HOXD12: variants seen among roughly 807,000 people sequenced by gnomAD.
HOXD12 encodes the protein homeobox D12, also known as homeobox protein Hox-D12.
In HOXD12, 21 loss-of-function variants were observed where a neutral mutation model predicts 20.2. That is an observed-to-expected ratio of 1.04 (90% CI 0.74 to 1.50). The LOEUF is 1.50. Ranked by LOEUF, HOXD12 falls within the 40% of genes most tolerant of loss-of-function variation. The pLI, the probability that HOXD12 is intolerant of heterozygous loss-of-function variation, is 0.00. For synonymous variants in HOXD12, 196 were observed against 168.8 expected (o/e 1.16, Z -1.25); for missense variants, 472 against 365.5 (o/e 1.29, Z -2.38).
In HOXD12 at chr2:176,100,764, C is replaced by G. The variant is rs781466996; in HGVS notation, c.*4C>G. ...GCAGGCGCTGGCGCTCTACTAGCCG[C>G]GCGCGTGGCCAGGGCCGGGTTGGAT... is the stretch of plus-strand genomic sequence containing the variant. On this transcript the variant is annotated 3_prime_UTR_variant, in exon 2 of 2. Coordinates refer to ENST00000406506, the MANE Select transcript of HOXD12 (RefSeq NM_021193.4). 16 of 1,604,330 alleles carry G rather than the reference C, an allele frequency of 1.0e-5. No individual in the cohort carries two copies. In the South Asian group the frequency reaches 1.8e-4, roughly 18 times the overall value.
rs767328526 is a variant in HOXD12 at position 176,100,341 on chromosome 2, C to T, written c.540C>T (p.Gly180=). 74 of 1,612,518 alleles carry T rather than the reference C, an allele frequency of 4.6e-5. No individual in the cohort carries two copies. The highest frequency in any genetic ancestry group is 6.2e-5 in the Non-Finnish European group (73 of 1,179,856). ...TGAACATGACAGTGCAGGCGGCGGGCGTTGCCTCTTGCCTGCGACCTTCAC... is the reference window on the plus strand; with the variant it reads ...TGAACATGACAGTGCAGGCGGCGGGTGTTGCCTCTTGCCTGCGACCTTCAC... ...LNLNMTVQAA[G]VASCLRPSLP... The change falls in exon 1 of 2, where the codon GGC becomes GGT. Residue 180 remains glycine (G), a synonymous_variant. Coordinates refer to ENST00000406506, the MANE Select transcript of HOXD12 (RefSeq NM_021193.4).
At position 176,099,884 on chromosome 2, in the gene HOXD12, A is replaced by G; in HGVS notation, c.83A>G (p.Asn28Ser). The change falls in exon 1 of 2, where the codon AAC becomes AGC. Residue 28 changes from asparagine to serine, a missense_variant. Coordinates refer to ENST00000406506, the MANE Select transcript of HOXD12 (RefSeq NM_021193.4). Reference sequence around the variant, plus strand: ...TCGCCAGACTCTTTCTACTTCTCCAACCTGAGGCCGAATGGCGGCCAGTTG... The same window carrying G: ...TCGCCAGACTCTTTCTACTTCTCCAGCCTGAGGCCGAATGGCGGCCAGTTG... ...LQSPDSFYFSNLRPNGGQLAA... is the reference protein window; with the variant it reads ...LQSPDSFYFSSLRPNGGQLAA... 6.3e-7 allele frequency: 1 copy of G among 1,593,536 alleles called. No individual in the cohort carries two copies. Among genetic ancestry groups the G allele is most frequent in the Non-Finnish European group, 8.5e-7 (1 of 1,172,562 alleles).
chr2:176,100,424 T>C, intron 1 of HOXD12, 49 bp downstream of exon 1: 1 of 1,603,416 alleles, frequency 6.2e-7, no homozygotes. Flanking sequence ...GGATGGGAGG[T>C]GGGGTTCAAG....
chr2:176,100,159 G>GC lies in HOXD12; in HGVS notation c.363dup (p.Glu122ArgfsTer3). 1 of 1,611,880 alleles carries GC rather than the reference G, an allele frequency of 6.2e-7. No homozygotes were observed. Among genetic ancestry groups the GC allele is most frequent in the South Asian group, 1.1e-5 (1 of 91,038 alleles). Reference sequence around the variant, plus strand: ...GCGCGGTCGTACCCGGCCGTCCTTCGCCCCCGAGTCTAGCCTGGCTCCTGC... The same window carrying GC: ...GCGCGGTCGTACCCGGCCGTCCTTCGCCCCCCGAGTCTAGCCTGGCTCCTGC... On this transcript the variant is annotated frameshift_variant, in exon 1 of 2. Coordinates refer to ENST00000406506, the MANE Select transcript of HOXD12 (RefSeq NM_021193.4). LOFTEE classifies it high-confidence loss of function.
In HOXD12 at chr2:176,100,163, C is replaced by T; in HGVS notation, c.362C>T (p.Pro121Leu). 6.2e-7 allele frequency: 1 copy of T among 1,612,210 alleles called. No individual in the cohort carries two copies. Among genetic ancestry groups the T allele is most frequent in the Non-Finnish European group, 8.5e-7 (1 of 1,179,740 alleles). Residue 121 changes from proline to leucine, a missense_variant, in exon 1 of 2, where the codon CCC (proline) becomes CTC (leucine). Pro to Leu is a moderately conservative substitution (Grantham distance 98). Coordinates refer to ENST00000406506, the MANE Select transcript of HOXD12 (RefSeq NM_021193.4). The part of the protein sequence containing the change: ...ERGRTRPSFA[P>L]ESSLAPAVAA... ...GGTCGTACCCGGCCGTCCTTCGCCCCCGAGTCTAGCCTGGCTCCTGCAGTG... is the reference window on the plus strand; with the variant it reads ...GGTCGTACCCGGCCGTCCTTCGCCCTCGAGTCTAGCCTGGCTCCTGCAGTG...
rs1365341673 is a variant in HOXD12 at position 176,101,660 on chromosome 2, C to T, written c.*900C>T. 6.6e-6 allele frequency among the ~76,000 whole-genome samples: 1 copy of T among 152,088 alleles called. No individual in the cohort carries two copies. The highest frequency in any genetic ancestry group is 2.4e-5 in the African/African-American group (1 of 41,396). ...GTTGGTCTGCTTTGAAGCTCTGTTGCACAGGGAGAGGGAAAAATATCCAGG... is the reference window on the plus strand; with the variant it reads ...GTTGGTCTGCTTTGAAGCTCTGTTGTACAGGGAGAGGGAAAAATATCCAGG... On this transcript the variant is annotated 3_prime_UTR_variant, in exon 2 of 2. Transcript: ENST00000406506.
In HOXD12 at chr2:176,099,836, T is replaced by A; in HGVS notation, c.35T>A (p.Val12Glu). 1 of 1,549,426 alleles carries A rather than the reference T, an allele frequency of 6.5e-7. No individual in the cohort carries two copies. Among genetic ancestry groups the A allele is most frequent in the Middle Eastern group, 1.7e-4 (1 of 5,780 alleles). The change falls in exon 1 of 2, where the codon GTG becomes GAG. Residue 12 changes from valine (V) to glutamate (E), a missense_variant. Transcript: ENST00000406506. ...CERSLYRAGY[V>E]GSLLNLQSPD... ...CGCAGTCTCTACAGAGCGGGCTATGTGGGCTCGCTTCTGAATCTGCAGTCG... is the reference window on the plus strand; with the variant it reads ...CGCAGTCTCTACAGAGCGGGCTATGAGGGCTCGCTTCTGAATCTGCAGTCG...
Position 176,101,598 on chromosome 2 carries a change from A to G in HOXD12, c.*838A>G, listed in dbSNP as rs1689495865. ...CTAGGCCAGGCCTATGAACCCTGTAACTGGATCCCCAGAGGCTAGCTCTGG... is the reference window on the plus strand; with the variant it reads ...CTAGGCCAGGCCTATGAACCCTGTAGCTGGATCCCCAGAGGCTAGCTCTGG... On this transcript the variant is annotated 3_prime_UTR_variant, in exon 2 of 2. Transcript: ENST00000406506. Among the ~76,000 whole-genome samples, 1 of 152,136 alleles carries G rather than the reference A, an allele frequency of 6.6e-6. No individual in the cohort carries two copies. The highest frequency in any genetic ancestry group is 2.1e-4 in the South Asian group (1 of 4,818).
rs746387336 is a variant in HOXD12 at position 176,100,161 on chromosome 2, C to T, written c.360C>T (p.Ala120=). The part of the protein sequence containing the change: ...EERGRTRPSF[A]PESSLAPAVA... Reference sequence around the variant, plus strand: ...GCGGTCGTACCCGGCCGTCCTTCGCCCCCGAGTCTAGCCTGGCTCCTGCAG... The same window carrying T: ...GCGGTCGTACCCGGCCGTCCTTCGCTCCCGAGTCTAGCCTGGCTCCTGCAG... Residue 120 remains alanine (A), a synonymous_variant, in exon 1 of 2, where the codon GCC becomes GCT. Coordinates refer to ENST00000406506, the MANE Select transcript of HOXD12 (RefSeq NM_021193.4). The T allele has an allele frequency of 1.1e-5, 17 of 1,612,190 alleles. No individual in the cohort carries two copies. The South Asian group carries it at 1.3e-4, about 12-fold the overall frequency.
chr2:176,100,923 G>C lies in HOXD12; in HGVS notation c.*163G>C, dbSNP rs1349586014. 3 of 615,016 alleles carry C rather than the reference G, an allele frequency of 4.9e-6. No individual in the cohort carries two copies. The highest frequency in any genetic ancestry group is 8.7e-6 in the Non-Finnish European group (3 of 346,636). The allele number at this position is 615,016 out of a possible 1,614,324, so 38.1% of individuals were successfully genotyped here. ...CAGACCAGGCCAGTTGGGCCTCCTTGCTTTCCTCAGTCCCTGAGAAGCCCG... is the reference window on the plus strand; with the variant it reads ...CAGACCAGGCCAGTTGGGCCTCCTTCCTTTCCTCAGTCCCTGAGAAGCCCG... On this transcript the variant is annotated 3_prime_UTR_variant, in exon 2 of 2. Transcript: ENST00000406506.
Position 176,100,986 on chromosome 2 carries a change from G to C in HOXD12, c.*226G>C, listed in dbSNP as rs1202311290. 5.1e-6 allele frequency: 3 copies of C among 587,302 alleles called. No individual in the cohort carries two copies. Among genetic ancestry groups the C allele is most frequent in the Non-Finnish European group, 3.0e-6 (1 of 331,244 alleles). 36.4% of individuals were successfully genotyped at this position (587,302 alleles called of 1,614,324 possible). ...GGAAGTACCAGTGCAACTCTGGCTG[G>C]CCTTAAGGCTTCCACGTTGGGGGAC... On this transcript the variant is annotated 3_prime_UTR_variant, in exon 2 of 2. Coordinates refer to ENST00000406506, the MANE Select transcript of HOXD12 (RefSeq NM_021193.4).
rs751170501 is a variant in HOXD12 at position 176,100,605 on chromosome 2, G to A, written c.658G>A (p.Glu220Lys). ...TKQQIAELENEFLVNEFINRQ... is the reference protein window; with the variant it reads ...TKQQIAELENKFLVNEFINRQ... Reference sequence around the variant, plus strand: ...GCAGCAGATTGCGGAGTTGGAGAACGAATTCCTCGTCAACGAATTCATCAA... The same window carrying A: ...GCAGCAGATTGCGGAGTTGGAGAACAAATTCCTCGTCAACGAATTCATCAA... The change falls in exon 2 of 2, where the codon GAA becomes AAA. Residue 220 changes from glutamate to lysine, a missense_variant. Glu to Lys is a moderately conservative substitution (Grantham distance 56). Transcript: ENST00000406506. 2 of 1,613,106 alleles carry A rather than the reference G, an allele frequency of 1.2e-6. No homozygotes were observed. Among genetic ancestry groups the A allele is most frequent in the South Asian group, 1.1e-5 (1 of 90,906 alleles).
rs771125796 is a variant in HOXD12 at position 176,100,154 on chromosome 2, C to G, written c.353C>G (p.Ser118Cys). The change falls in exon 1 of 2, where the codon TCC (serine) becomes TGC (cysteine). Residue 118 changes from serine to cysteine, a missense_variant. Ser to Cys is a moderately radical substitution (Grantham distance 112, BLOSUM62 -1). Coordinates refer to ENST00000406506, the MANE Select transcript of HOXD12 (RefSeq NM_021193.4). ...GAGGAGCGCGGTCGTACCCGGCCGT[C>G]CTTCGCCCCCGAGTCTAGCCTGGCT... ...GPEERGRTRP[S>C]FAPESSLAPA... The G allele has an allele frequency of 1.2e-6, 2 of 1,611,868 alleles. No individual in the cohort carries two copies. The highest frequency in any genetic ancestry group is 1.3e-5 in the African/African-American group (1 of 75,062).
In HOXD12 at chr2:176,100,636, A is replaced by T. The variant is rs1332577024; in HGVS notation, c.689A>T (p.Gln230Leu). 2 of 1,613,680 alleles carry T rather than the reference A, an allele frequency of 1.2e-6. No individual in the cohort carries two copies. Among genetic ancestry groups the T allele is most frequent in the Admixed American group, 3.3e-5 (2 of 59,980 alleles). Residue 230 changes from glutamine (Q) to leucine (L), a missense_variant, in exon 2 of 2, where the codon CAG (glutamine) becomes CTG (leucine). Transcript: ENST00000406506. Reference sequence around the variant, plus strand: ...CTCGTCAACGAATTCATCAACAGGCAGAAACGCAAGGAATTGTCCAATAGG... The same window carrying T: ...CTCGTCAACGAATTCATCAACAGGCTGAAACGCAAGGAATTGTCCAATAGG... ...EFLVNEFINR[Q>L]KRKELSNRLN...
In HOXD12 at chr2:176,100,644, A is replaced by G; in HGVS notation, c.697A>G (p.Lys233Glu). 6.2e-7 allele frequency: 1 copy of G among 1,613,872 alleles called. No individual in the cohort carries two copies. The highest frequency in any genetic ancestry group is 8.5e-7 in the Non-Finnish European group (1 of 1,179,814). The change falls in exon 2 of 2, where the codon AAG (lysine) becomes GAG (glutamate). Residue 233 changes from lysine to glutamate, a missense_variant. Coordinates refer to ENST00000406506, the MANE Select transcript of HOXD12 (RefSeq NM_021193.4). ...VNEFINRQKRKELSNRLNLSD... is the reference protein window; with the variant it reads ...VNEFINRQKREELSNRLNLSD... ...CGAATTCATCAACAGGCAGAAACGCAAGGAATTGTCCAATAGGCTGAACCT... is the reference window on the plus strand; with the variant it reads ...CGAATTCATCAACAGGCAGAAACGCGAGGAATTGTCCAATAGGCTGAACCT...
At position 176,100,260 on chromosome 2, in the gene HOXD12, C is replaced by T. The variant is rs551338572; in HGVS notation, c.459C>T (p.Leu153=). The T allele has an allele frequency of 6.2e-7, 1 of 1,612,516 alleles. No individual in the cohort carries two copies. The highest frequency in any genetic ancestry group is 8.5e-7 in the Non-Finnish European group (1 of 1,179,836). The change falls in exon 1 of 2, where the codon CTC becomes CTT. Residue 153 remains leucine, a synonymous_variant. Transcript: ENST00000406506. The part of the protein sequence containing the change: ...GRATPGSTTL[L]QGAPCAPGFK... ...CCACGCCGGGCTCCACGACCCTGCT[C>T]CAGGGGGCTCCCTGCGCCCCTGGCT...
rs1473049055 is a variant in HOXD12, at chr2:176,101,806, A to T, written c.*1046A>T. ...TTCTTTCTTCAATTACCTTAATGGA[A>T]CCCCATAAGGATAGGCAAAAATCCT... On this transcript the variant is annotated 3_prime_UTR_variant, in exon 2 of 2. Coordinates refer to ENST00000406506, the MANE Select transcript of HOXD12 (RefSeq NM_021193.4). 2.0e-5 allele frequency among the ~76,000 whole-genome samples: 3 copies of T among 152,122 alleles called. No homozygotes were observed. In the East Asian group the frequency reaches 5.8e-4, roughly 29 times the overall value.
chr2:176,100,692 T>C lies in HOXD12; in HGVS notation c.745T>C (p.Trp249Arg), dbSNP rs777742860. 2 of 1,614,056 alleles carry C rather than the reference T, an allele frequency of 1.2e-6. No homozygotes were observed. The highest frequency in any genetic ancestry group is 1.7e-6 in the Non-Finnish European group (2 of 1,179,886). Residue 249 changes from tryptophan to arginine, a missense_variant, in exon 2 of 2, where the codon TGG becomes CGG. Transcript: ENST00000406506. ...LNLSDQQVKIWFQNRRMKKKR... is the reference protein window; with the variant it reads ...LNLSDQQVKIRFQNRRMKKKR... The stretch of plus-strand genomic sequence containing the variant: ...CCTCAGCGACCAGCAAGTCAAAATC[T>C]GGTTCCAGAACAGGCGTATGAAGAA...
At chr2:176,100,422 G>A (rs1284474611) in intron 1 of HOXD12, 47 bp downstream of exon 1, 15 of 1,605,348 alleles carry the variant, frequency 9.3e-6, no homozygotes, top group Admixed American at 3.3e-5. Context: ...CGGGATGGGA[G>A]GTGGGGTTCA....
Sources: gnomAD v4.1 joint callset for allele counts (sites outside exome capture counted in the v4.1 genomes callset) on GRCh38, gnomAD v4.1.1 for gene constraint, MANE v1.5 for transcripts, NCBI Gene and HGNC (gene_info 2026-07-23, HGNC 2026-07-21) for gene names.